The following SPTLC2 variants were observed in gnomAD, a reference collection of about 807,000 sequenced individuals.
SPTLC2 encodes the protein serine palmitoyltransferase long chain base subunit 2.
In SPTLC2, 21 loss-of-function variants were observed where a neutral mutation model predicts 62.0. The observed-to-expected ratio is 0.34, with a 90% CI of 0.24 to 0.49. SPTLC2 has a LOEUF of 0.49. Among genes scored for constraint, SPTLC2 ranks in the 20% least tolerant of loss-of-function variants. The pLI is 0.99. For missense variants in SPTLC2, 511 were observed against 713.0 expected, an observed-to-expected ratio of 0.72 and a Z score of 3.23; for synonymous variants, 261 against 261.8, an observed-to-expected ratio of 1.00 and a Z score of 0.03.
intron 9 of SPTLC2, among the ~76,000 whole-genome samples, chr14:77,549,903 T>C (rs533790271): frequency 1.3e-5 from 2 of 152,326 alleles, no homozygotes; most frequent in South Asian, 2.1e-4. Flanking sequence ...AATTATCCAA[T>C]GTTAACTTTG....
chr14:77,551,445 A>G (rs8003639), intron 9 of SPTLC2, among the ~76,000 whole-genome samples: 56,600 of 148,716 alleles, frequency 0.38, 12,873 homozygotes, highest in East Asian at 0.87. Context: ...TCATACATGC[A>G]ATGAAAATAT....
chr14:77,616,180 G>A (rs1365298780), intron 1 of SPTLC2, among the ~76,000 whole-genome samples: 1 of 152,212 alleles, frequency 6.6e-6, no homozygotes, highest in Non-Finnish European at 1.5e-5. Flanking sequence ...GGCAGAATGG[G>A]GCAGAGAAAA....
Position 77,518,040 on chromosome 14 carries a change from T to G in SPTLC2, c.1567A>C (p.Thr523Pro), listed in dbSNP as rs2139992960. The G allele has an allele frequency of 1.2e-6, 2 of 1,614,198 alleles. No homozygotes were observed. Among genetic ancestry groups the G allele is most frequent in the Non-Finnish European group, 1.7e-6 (2 of 1,180,040 alleles). Residue 523 changes from threonine to proline, a missense_variant and splice_region_variant, in exon 11 of 12, where the codon ACT becomes CCT. Transcript: ENST00000216484. ...SAAHTKEILD[T>P]ALKEIDEVGD... The stretch of plus-strand genomic sequence containing the variant: ...TCAAGGTGAAAGTGCCTACTTACAG[T>G]ATCAAGTATTTCTTTGGTATGAGCT...
intron 1 of SPTLC2, among the ~76,000 whole-genome samples, chr14:77,610,046 C>G (rs2079926821): frequency 2.6e-5 from 4 of 152,192 alleles, no homozygotes; most frequent in Admixed American, 1.3e-4. Context: ...AGCAATGTAT[C>G]AGGATTCTAA....
intron 11 of SPTLC2, among the ~76,000 whole-genome samples, chr14:77,516,616 G>A (rs1348457195): frequency 6.6e-6 from 1 of 152,008 alleles, no homozygotes; most frequent in Non-Finnish European, 1.5e-5. Context: ...GGAAAAATCT[G>A]ACAGGCATAA....
chr14:77,588,130 G>A (rs1322253364), intron 2 of SPTLC2, among the ~76,000 whole-genome samples: 1 of 152,044 alleles, frequency 6.6e-6, no homozygotes, highest in East Asian at 1.9e-4. Context: ...GTAGAGACAA[G>A]ATCTCTCTCT....
intron 9 of SPTLC2, among the ~76,000 whole-genome samples, chr14:77,547,023 C>A (rs2079531924): frequency 6.6e-6 from 1 of 152,166 alleles, no homozygotes; most frequent in Admixed American, 6.5e-5. Context: ...CGCCACCACA[C>A]CCAGCTAATT....
intron 4 of SPTLC2, among the ~76,000 whole-genome samples, chr14:77,573,068 C>T (rs1258157869): frequency 6.6e-6 from 1 of 152,066 alleles, no homozygotes; most frequent in Admixed American, 6.6e-5. Flanking sequence ...TGGCTAATTG[C>T]TTGGTGTAAG....
rs775468865 is a variant in SPTLC2, at chr14:77,518,096, A to G, written c.1511T>C (p.Ile504Thr). Reference protein sequence around the residue: ...VVVGFPATPIIESRARFCLSA... With the variant: ...VVVGFPATPITESRARFCLSA... ...CAGGCAAAACCTGGCTCTGGACTCA[A>G]TAATTGGGGTGGCAGGAAATCCAAC... Residue 504 changes from isoleucine to threonine, a missense_variant, in exon 11 of 12, where the codon ATT (isoleucine) becomes ACT (threonine). Ile to Thr is a moderately conservative substitution (Grantham distance 89). Transcript: ENST00000216484. 3.1e-6 allele frequency: 5 copies of G among 1,614,204 alleles called. No homozygotes were observed. The highest frequency in any genetic ancestry group is 4.2e-6 in the Non-Finnish European group (5 of 1,180,040).
intron 5 of SPTLC2, among the ~76,000 whole-genome samples, chr14:77,565,450 G>A (rs191745789): frequency 4.6e-5 from 7 of 152,186 alleles, no homozygotes; most frequent in East Asian, 1.9e-4. Flanking sequence ...TGAGACAAGC[G>A]ATTAAGATTT....
At chr14:77,578,352 A>C (rs527550624) in intron 3 of SPTLC2, among the ~76,000 whole-genome samples, 1 of 150,888 alleles carries the variant, frequency 6.6e-6, no homozygotes, top group South Asian at 2.1e-4. Flanking sequence ...TTTTTTTTAA[A>C]GTCAAGACCA....
chr14:77,542,770 GCA>G (rs941301753), intron 9 of SPTLC2, among the ~76,000 whole-genome samples: 72 of 152,218 alleles, frequency 4.7e-4, no homozygotes, highest in African/African-American at 1.7e-3. Context: ...CCTCTTAAAA[GCA>G]CAGTTTATCA....
At chr14:77,555,171 T>C in intron 8 of SPTLC2, 129 bp downstream of exon 8, 1 of 927,402 alleles carries the variant, frequency 1.1e-6, no homozygotes, top group South Asian at 1.3e-5. Flanking sequence ...CACTCACTGG[T>C]ATTATGAGCC....
chr14:77,601,705 C>T (rs1018876732), intron 1 of SPTLC2, among the ~76,000 whole-genome samples: 3 of 152,222 alleles, frequency 2.0e-5, no homozygotes, highest in South Asian at 4.1e-4. Flanking sequence ...AACATCTCAC[C>T]GATTTTAAAT....
intron 7 of SPTLC2, 121 bp downstream of exon 7, chr14:77,556,920 G>T: frequency 5.2e-6 from 4 of 768,374 alleles, no homozygotes; most frequent in Non-Finnish European, 8.9e-6. Context: ...GTATTTTAGC[G>T]ACTTATAAAC....
chr14:77,606,175 C>T (rs2079903870), intron 1 of SPTLC2, among the ~76,000 whole-genome samples: 1 of 152,124 alleles, frequency 6.6e-6, no homozygotes, highest in Admixed American at 6.5e-5. Flanking sequence ...ACTGAAAATA[C>T]AAAAATTTGC....
intron 2 of SPTLC2, among the ~76,000 whole-genome samples, chr14:77,579,859 C>T (rs972822303): frequency 1.3e-5 from 2 of 152,200 alleles, no homozygotes; most frequent in African/African-American, 4.8e-5. Flanking sequence ...ACATATATTA[C>T]ATGGTTTCAA....
At chr14:77,529,620 C>CTTTCTTTCTTTTTTT (rs1555373703) in intron 9 of SPTLC2, among the ~76,000 whole-genome samples, 1 of 76,048 alleles carries the variant, frequency 1.3e-5, no homozygotes, top group South Asian at 5.7e-4. Context: ...TTCTTTCTTT[C>CTTTCTTTCTTTTTTT]TTTTTTTTTT....
intron 5 of SPTLC2, among the ~76,000 whole-genome samples, chr14:77,566,987 T>C (rs1467976863): frequency 6.6e-6 from 1 of 150,566 alleles, no homozygotes; most frequent in African/African-American, 2.5e-5. Context: ...TCTTTTTTTT[T>C]TGAGACGGAG....
Sources: allele counts gnomAD v4.1 joint callset (sites outside exome capture counted in the v4.1 genomes callset), GRCh38; gene constraint gnomAD v4.1.1; transcripts MANE v1.5; gene names NCBI Gene and HGNC (gene_info 2026-07-23, HGNC 2026-07-21).